Variants in INPP5A observed in about 807,000 individuals in gnomAD.
The protein encoded by INPP5A is inositol polyphosphate-5-phosphatase A, also known as 43 kDa inositol polyphosphate 5-phophatase.
Under a neutral mutation model 65.2 loss-of-function variants are expected in INPP5A, and 14 were observed. That is an observed-to-expected ratio of 0.21 (90% confidence interval 0.14 to 0.34). The LOEUF (loss-of-function observed/expected upper bound fraction) is 0.34, where lower values mean the gene tolerates loss of function less well. Ranked by LOEUF, INPP5A falls within the 10% of genes least tolerant of loss-of-function variation. The probability of loss-of-function intolerance (pLI) is 1.00; values close to 1 mark genes in which losing one functional copy is unlikely to be tolerated. For missense variants in INPP5A, 431 were observed against 545.6 expected (o/e 0.79, Z 2.09); for synonymous variants, 207 against 208.3 (o/e 0.99, Z 0.05).
At chr10:132,746,299 C>T (rs939082944) in intron 9 of INPP5A, among the ~76,000 whole-genome samples, 1 of 152,216 alleles carries the variant, frequency 6.6e-6, no homozygotes, top group African/African-American at 2.4e-5. Flanking sequence ...AAAACTTGGG[C>T]TGACAGGGTC....
At chr10:132,714,279 T>C (rs1269606492) in intron 8 of INPP5A, among the ~76,000 whole-genome samples, 1 of 152,100 alleles carries the variant, frequency 6.6e-6, no homozygotes, top group Non-Finnish European at 1.5e-5. Context: ...CTCCGCGGCG[T>C]GGGGCGGGCC....
chr10:132,548,942 G>A (rs998034754), intron 1 of INPP5A, among the ~76,000 whole-genome samples: 5 of 151,998 alleles, frequency 3.3e-5, no homozygotes, highest in Non-Finnish European at 7.4e-5. Flanking sequence ...GGCCACAGGC[G>A]CGGCCACCAT....
rs1438859481 is a variant in INPP5A, at chr10:132,650,356, A to C, written c.219-62A>C. On this transcript the variant is annotated intron_variant, in intron 3 of 15. Transcript: ENST00000368594. This position sits in a 1 kb window ranked among gnomAD's most constrained non-coding sequence, Gnocchi z 5.5. ...GGAGCCCCTCTTATACCTTGTGGTCATCTCATGAGGTGCAAGGCGTCTGTG... is the reference window on the plus strand; with the variant it reads ...GGAGCCCCTCTTATACCTTGTGGTCCTCTCATGAGGTGCAAGGCGTCTGTG... The C allele has an allele frequency of 7.2e-6, 8 of 1,110,392 alleles. No individual in the cohort carries two copies. The highest frequency in any genetic ancestry group is 1.1e-5 in the Non-Finnish European group (8 of 722,716). The allele number at this position is 1,110,392 out of a possible 1,614,324, so 68.8% of individuals were successfully genotyped here. A position where few individuals can be genotyped will look rare whatever the true frequency, so the allele number is the denominator to read the frequency against.
At position 132,706,763 on chromosome 10, in the gene INPP5A, C is replaced by T. The variant is rs577456679; in HGVS notation, c.475-1550C>T. Reference sequence around the variant, plus strand: ...CTTGCCCAGGAGGGAGCTGTGGGGGCCACTGTCCTGGAGGGAGACAGGGAG... The same window carrying T: ...CTTGCCCAGGAGGGAGCTGTGGGGGTCACTGTCCTGGAGGGAGACAGGGAG... On this transcript the variant is annotated intron_variant, in intron 6 of 15. Transcript: ENST00000368594. This position sits in a 1 kb window ranked among gnomAD's most constrained non-coding sequence, Gnocchi z 4.7. Among the ~76,000 whole-genome samples, 55 of 152,286 alleles carry T rather than the reference C, an allele frequency of 3.6e-4. No homozygotes were observed. Among genetic ancestry groups the T allele is most frequent in the African/African-American group, 1.3e-3 (52 of 41,550 alleles).
intron 13 of INPP5A, among the ~76,000 whole-genome samples, chr10:132,780,579 G>T (rs1017266899): frequency 6.6e-6 from 1 of 152,206 alleles, no homozygotes; most frequent in South Asian, 2.1e-4. Flanking sequence ...CTCCCCACGC[G>T]ACCCCTCCTA....
intron 9 of INPP5A, among the ~76,000 whole-genome samples, chr10:132,746,634 G>A (rs1334891696): frequency 6.6e-6 from 1 of 152,188 alleles, no homozygotes; most frequent in Non-Finnish European, 1.5e-5. Context: ...GATGACCCTG[G>A]CACACAGCGT....
Position 132,587,879 on chromosome 10 carries a change from G to T in INPP5A, c.76-20036G>T, listed in dbSNP as rs1203768287. On this transcript the variant is annotated intron_variant, in intron 1 of 15. Coordinates refer to ENST00000368594, the MANE Select transcript of INPP5A (RefSeq NM_005539.5). This position sits in a 1 kb window ranked among gnomAD's most constrained non-coding sequence, Gnocchi z 4.3. The stretch of plus-strand genomic sequence containing the variant: ...GACAAAAAATTAGCCGGGCATGGTG[G>T]TGCACGCCTGTAATCCCAGCTACTT... Among the ~76,000 whole-genome samples the T allele has an allele frequency of 6.6e-6, 1 of 152,028 alleles. No homozygotes were observed. The highest frequency in any genetic ancestry group is 1.5e-5 in the Non-Finnish European group (1 of 68,014).
At chr10:132,556,620 C>G (rs1031080396) in intron 1 of INPP5A, among the ~76,000 whole-genome samples, 6 of 152,256 alleles carry the variant, frequency 3.9e-5, no homozygotes, top group African/African-American at 1.4e-4. Context: ...GCTCATCACA[C>G]ACTCCCACCA....
intron 8 of INPP5A, among the ~76,000 whole-genome samples, chr10:132,711,421 G>A (rs926454707): frequency 1.3e-5 from 2 of 152,158 alleles, no homozygotes; most frequent in Non-Finnish European, 2.9e-5. Context: ...AACCTTTCCC[G>A]CCAGCATCCC....
At chr10:132,666,865 CTG>C (rs1225404313) in intron 4 of INPP5A, among the ~76,000 whole-genome samples, 1 of 152,196 alleles carries the variant, frequency 6.6e-6, no homozygotes, top group Non-Finnish European at 1.5e-5. Flanking sequence ...AGAAAGATAT[CTG>C]TGCATTGAGA....
At chr10:132,561,384 G>A (rs1015010311) in intron 1 of INPP5A, among the ~76,000 whole-genome samples, 6 of 151,730 alleles carry the variant, frequency 4.0e-5, no homozygotes, top group South Asian at 2.1e-4. Context: ...TTTGTATCTG[G>A]TGTGAGGTAG....
At chr10:132,754,071 C>G (rs1846545354) in intron 11 of INPP5A, 1 of 152,028 alleles carries the variant, frequency 6.6e-6, no homozygotes, top group South Asian at 2.1e-4. Context: ...GGCAACAGCC[C>G]CCATGCCAGC....
chr10:132,564,561 T>C (rs750607417), intron 1 of INPP5A, among the ~76,000 whole-genome samples: 10 of 152,106 alleles, frequency 6.6e-5, no homozygotes, highest in African/African-American at 1.7e-4. Context: ...GCACTGGCAA[T>C]GGAGGGTCGT....
Position 132,718,513 on chromosome 10 carries a change from C to T in INPP5A, c.647+8057C>T, listed in dbSNP as rs193229835. Among the ~76,000 whole-genome samples, 281 of 123,958 alleles carry T rather than the reference C, an allele frequency of 2.3e-3. 6 individuals are homozygous for T. Among genetic ancestry groups the T allele is most frequent in the African/African-American group, 8.3e-3 (267 of 32,272 alleles). 81.3% of individuals were successfully genotyped at this position (123,958 alleles called of 152,430 possible). On this transcript the variant is annotated intron_variant, in intron 8 of 15. Coordinates refer to ENST00000368594, the MANE Select transcript of INPP5A (RefSeq NM_005539.5). Reference sequence around the variant, plus strand: ...CTGGGCGCCTTAGATGGCTGTCTTGCGGGTTCTGTGGTACCTGGGTTCTGT... The same window carrying T: ...CTGGGCGCCTTAGATGGCTGTCTTGTGGGTTCTGTGGTACCTGGGTTCTGT...
chr10:132,723,437 ATGTGGGGATTGGCCG>A (rs1564984287), intron 8 of INPP5A, among the ~76,000 whole-genome samples: 3 of 142,040 alleles, frequency 2.1e-5, no homozygotes, highest in Non-Finnish European at 4.6e-5. Context: ...ATGCTTGGCC[ATGTGGGGATTGGCCG>A]TGTGGGGATT....
chr10:132,664,363 G>A (rs1409829858), intron 4 of INPP5A, among the ~76,000 whole-genome samples: 5 of 152,344 alleles, frequency 3.3e-5, no homozygotes, highest in South Asian at 4.1e-4. Flanking sequence ...GCTGTGAGCC[G>A]TGTGTACATT....
At chr10:132,689,687 C>G (rs556306314) in intron 4 of INPP5A, among the ~76,000 whole-genome samples, 162 of 152,354 alleles carry the variant, frequency 1.1e-3, no homozygotes, top group African/African-American at 3.7e-3. Context: ...ACAGGTTCAT[C>G]TGTAGAAAAT....
At chr10:132,720,608 C>G (rs1318075725) in intron 8 of INPP5A, among the ~76,000 whole-genome samples, 3 of 138,922 alleles carry the variant, frequency 2.2e-5, no homozygotes, top group East Asian at 2.3e-4. Context: ...CGGCTGTCTT[C>G]AGGGTTCTGT....
chr10:132,627,969 T>A lies in INPP5A; in HGVS notation c.118-17899T>A, dbSNP rs2072211111. ...TCTGACTCGGTGACTTTGTTGTTGATGTTGATGTCTTCACTGGTTGCCATT... is the reference window on the plus strand; with the variant it reads ...TCTGACTCGGTGACTTTGTTGTTGAAGTTGATGTCTTCACTGGTTGCCATT... On this transcript the variant is annotated intron_variant, in intron 2 of 15. Transcript: ENST00000368594. This position sits in a 1 kb window ranked among gnomAD's most constrained non-coding sequence, Gnocchi z 6.6. Among the ~76,000 whole-genome samples, 1 of 152,132 alleles carries A rather than the reference T, an allele frequency of 6.6e-6. No homozygotes were observed. The highest frequency in any genetic ancestry group is 1.5e-5 in the Non-Finnish European group (1 of 68,012).
Sources: allele counts gnomAD v4.1 joint callset (sites outside exome capture counted in the v4.1 genomes callset), GRCh38; gene constraint gnomAD v4.1.1; non-coding constraint Gnocchi (gnomAD v3.1); transcripts MANE v1.5; gene names NCBI Gene and HGNC (gene_info 2026-07-23, HGNC 2026-07-21).